The following PTPN3 variants were observed in gnomAD, a reference collection of about 807,000 sequenced individuals.
The protein encoded by PTPN3 is tyrosine-protein phosphatase non-receptor type 3.
In PTPN3, 96 loss-of-function variants were observed where a neutral mutation model predicts 132.7. The observed-to-expected ratio is 0.72, with a 90% confidence interval of 0.61 to 0.86. The LOEUF (loss-of-function observed/expected upper bound fraction) is 0.86. Among genes scored for constraint, PTPN3 ranks in the 40% least tolerant of loss-of-function variants. PTPN3 has a pLI of 0.00. For missense variants in PTPN3, 1,125 were observed against 1,159.6 expected (o/e 0.97, Z 0.43); for synonymous variants, 398 against 429.0 (o/e 0.93, Z 0.89).
chr9:109,383,757 C>T (rs973097842), intron 22 of PTPN3, among the ~76,000 whole-genome samples: 1 of 152,166 alleles, frequency 6.6e-6, no homozygotes, highest in Non-Finnish European at 1.5e-5. Flanking sequence ...GGTCTCCGCT[C>T]AGCCCCAGGC....
chr9:109,533,407 A>C, the PTPN3 span: 1 of 1,035,510 alleles, frequency 9.7e-7, no homozygotes, highest in South Asian at 1.4e-5. Flanking sequence ...CGGCCTCTCA[A>C]AGTGCTGGGA....
At chr9:109,535,722 G>T in the PTPN3 span, among the ~76,000 whole-genome samples, 1 of 152,102 alleles carries the variant, frequency 6.6e-6, no homozygotes, top group Non-Finnish European at 1.5e-5. Flanking sequence ...GGCCAGGCTG[G>T]TCTTGAACTC....
intron 1 of PTPN3, among the ~76,000 whole-genome samples, chr9:109,478,515 A>C (rs1338900427): frequency 6.6e-6 from 1 of 152,232 alleles, no homozygotes; most frequent in Non-Finnish European, 1.5e-5. Flanking sequence ...CATGTGACCA[A>C]GGACAGGCAC....
At chr9:109,523,898 A>G in the PTPN3 span, among the ~76,000 whole-genome samples, 1 of 152,076 alleles carries the variant, frequency 6.6e-6, no homozygotes, top group Non-Finnish European at 1.5e-5. Flanking sequence ...TCTGTTTGCA[A>G]TGACCTCCCT....
chr9:109,536,762 G>A, the PTPN3 span, among the ~76,000 whole-genome samples: 2 of 152,148 alleles, frequency 1.3e-5, no homozygotes, highest in African/African-American at 4.8e-5. Context: ...AGAAGATATG[G>A]TAGAACTAGT....
intron 6 of PTPN3, among the ~76,000 whole-genome samples, chr9:109,447,188 T>C (rs967320328): frequency 6.6e-6 from 1 of 152,114 alleles, no homozygotes; most frequent in African/African-American, 2.4e-5. Context: ...GAAGAAAAAC[T>C]GAAGACAACC....
Position 109,376,197 on chromosome 9 carries a change from T to C in PTPN3, c.*3359A>G, listed in dbSNP as rs1588268774. On this transcript the variant is annotated 3_prime_UTR_variant, in exon 26 of 26. Transcript: ENST00000374541. ...CTAGTCCAGCCCAACCTTCCCTTTTTACATATAAGAAAACTCAGGGTTGAG... is the reference window on the plus strand; with the variant it reads ...CTAGTCCAGCCCAACCTTCCCTTTTCACATATAAGAAAACTCAGGGTTGAG... 1.3e-5 allele frequency: 2 copies of C among 152,194 alleles called. No individual in the cohort carries two copies. The highest frequency in any genetic ancestry group is 2.9e-5 in the Non-Finnish European group (2 of 68,036). 9.4% of individuals were successfully genotyped at this position (152,194 alleles called of 1,614,324 possible). A position where few individuals can be genotyped will look rare whatever the true frequency, so the allele number is the denominator to read the frequency against.
intron 4 of PTPN3, among the ~76,000 whole-genome samples, chr9:109,456,611 C>T (rs1456366346): frequency 6.6e-6 from 1 of 152,162 alleles, no homozygotes; most frequent in Non-Finnish European, 1.5e-5. Context: ...AATGTTGGAA[C>T]ATCAGGCCGA....
At chr9:109,400,568 C>A (rs1489482078) in intron 19 of PTPN3, among the ~76,000 whole-genome samples, 1 of 152,176 alleles carries the variant, frequency 6.6e-6, no homozygotes, top group African/African-American at 2.4e-5. Flanking sequence ...TCTCATACAT[C>A]AACAGCATTT....
chr9:109,518,428 T>G, the PTPN3 span, among the ~76,000 whole-genome samples: 132,160 of 152,120 alleles, frequency 0.87, 57,489 homozygotes, highest in South Asian at 0.94. Context: ...CTAGTCCAAT[T>G]GGAGGCAGAG....
At chr9:109,472,148 A>C (rs1348806782) in intron 1 of PTPN3, among the ~76,000 whole-genome samples, 1 of 152,240 alleles carries the variant, frequency 6.6e-6, no homozygotes, top group Non-Finnish European at 1.5e-5. Flanking sequence ...TAAATAGAGA[A>C]GAAAGCAACA....
chr9:109,504,432 C>T, the PTPN3 span, among the ~76,000 whole-genome samples: 2 of 152,144 alleles, frequency 1.3e-5, no homozygotes, highest in Non-Finnish European at 2.9e-5. Flanking sequence ...TCAGTTGATG[C>T]CAGTTTGGTG....
chr9:109,532,136 A>C, the PTPN3 span, among the ~76,000 whole-genome samples: 5 of 152,176 alleles, frequency 3.3e-5, no homozygotes, highest in Non-Finnish European at 7.4e-5. Flanking sequence ...CGATCTTAGC[A>C]CTGAAAGTCC....
chr9:109,389,078 C>G (rs1302901514), intron 22 of PTPN3, among the ~76,000 whole-genome samples, 155 bp downstream of exon 22: 1 of 152,138 alleles, frequency 6.6e-6, no homozygotes, highest in Non-Finnish European at 1.5e-5. Flanking sequence ...CCTCCCGTCA[C>G]TAGGGGTGTC....
At chr9:109,400,630 G>T (rs1324731178) in intron 19 of PTPN3, among the ~76,000 whole-genome samples, 1 of 152,196 alleles carries the variant, frequency 6.6e-6, no homozygotes, top group Non-Finnish European at 1.5e-5. Context: ...CCTTGAGTTG[G>T]CCAGCCTGGG....
the PTPN3 span, among the ~76,000 whole-genome samples, chr9:109,524,392 G>A: frequency 1.8e-5 from 1 of 55,218 alleles, no homozygotes; most frequent in Non-Finnish European, 3.5e-5. Context: ...TCTCACAGCT[G>A]GAGCCTCTGA....
At chr9:109,440,562 C>T (rs959359520) in intron 7 of PTPN3, among the ~76,000 whole-genome samples, 7 of 152,182 alleles carry the variant, frequency 4.6e-5, no homozygotes, top group Admixed American at 2.0e-4. Flanking sequence ...GCCTGTGAGC[C>T]GCTGCTGGCC....
In PTPN3 at chr9:109,438,246, GA is replaced by G; in HGVS notation, c.467-13del. On this transcript the variant is annotated splice_polypyrimidine_tract_variant and intron_variant, in intron 7 of 25. Transcript: ENST00000374541. ...GTCTCCAAAATGAGCTATCAAGACA[GA>G]AGAAGGGGAAAATCATAATTAGTTT... 6.2e-7 allele frequency: 1 copy of G among 1,603,998 alleles called. No individual in the cohort carries two copies. Among genetic ancestry groups the G allele is most frequent in the South Asian group, 1.1e-5 (1 of 88,794 alleles).
chr9:109,381,741 T>C lies in PTPN3; in HGVS notation c.2575A>G (p.Met859Val), dbSNP rs758617675. ...GGCAGGTTCCTCTCAGTTAGGCACA[T>C]GGCTGTTTCCATAGTGACCAACACA... ...TGVLVTMETAMCLTERNLPIY... is the reference protein window; with the variant it reads ...TGVLVTMETAVCLTERNLPIY... The change falls in exon 25 of 26, where the codon ATG becomes GTG. Residue 859 changes from methionine (M) to valine (V), a missense_variant. Transcript: ENST00000374541. 1.1e-5 allele frequency: 18 copies of C among 1,614,110 alleles called. No homozygotes were observed. The highest frequency in any genetic ancestry group is 1.5e-5 in the Non-Finnish European group (18 of 1,180,020).
Sources: gnomAD v4.1 joint callset for allele counts (sites outside exome capture counted in the v4.1 genomes callset) on GRCh38, gnomAD v4.1.1 for gene constraint, MANE v1.5 for transcripts, NCBI Gene and HGNC (gene_info 2026-07-23, HGNC 2026-07-21) for gene names.